PPP1R14C: variants seen among roughly 807,000 people sequenced by gnomAD.
PPP1R14C encodes the protein protein phosphatase 1 regulatory inhibitor subunit 14C.
PPP1R14C carries 16 observed loss-of-function variants against 20.4 expected under a neutral mutation model. The ratio of observed to expected loss-of-function variants is 0.78; its 90% CI spans 0.53 to 1.19. The LOEUF is 1.19. Among genes scored for constraint, PPP1R14C ranks in the 50% most tolerant of loss-of-function variants. The pLI, the probability that PPP1R14C is intolerant of heterozygous loss-of-function variation, is 0.00. For synonymous variants in PPP1R14C, 91 were observed against 91.0 expected (o/e 1.00, Z 0.00); for missense variants, 211 against 220.1 (o/e 0.96, Z 0.26).
At chr6:150,176,344 C>T (rs1170386419) in intron 1 of PPP1R14C, among the ~76,000 whole-genome samples, 1 of 152,192 alleles carries the variant, frequency 6.6e-6, no homozygotes, top group Non-Finnish European at 1.5e-5. Context: ...GCGGGGTGCC[C>T]GTGGTACAAT....
intron 3 of PPP1R14C, among the ~76,000 whole-genome samples, chr6:150,246,310 A>T (rs753063218): frequency 1.3e-5 from 2 of 152,202 alleles, no homozygotes; most frequent in Admixed American, 6.5e-5. Context: ...GCTTTAAAAA[A>T]AAAACAAGCT....
chr6:150,159,366 C>T (rs994237655), intron 1 of PPP1R14C, among the ~76,000 whole-genome samples: 3 of 152,244 alleles, frequency 2.0e-5, no homozygotes, highest in African/African-American at 7.2e-5. Context: ...TTCTGTGCCC[C>T]TCTTAGCCAC....
chr6:150,205,600 C>T (rs953251952), intron 1 of PPP1R14C, among the ~76,000 whole-genome samples: 1 of 151,936 alleles, frequency 6.6e-6, no homozygotes, highest in Non-Finnish European at 1.5e-5. Context: ...TGAGACAAGT[C>T]TGGCCAACAT....
chr6:150,152,924 G>A (rs1180820972), intron 1 of PPP1R14C, among the ~76,000 whole-genome samples: 4 of 152,228 alleles, frequency 2.6e-5, no homozygotes, highest in East Asian at 1.9e-4. Flanking sequence ...GAGGTCATTA[G>A]TGTTAGGTGA....
At chr6:150,247,515 C>T (rs1044463205) in intron 3 of PPP1R14C, among the ~76,000 whole-genome samples, 1 of 152,054 alleles carries the variant, frequency 6.6e-6, no homozygotes, top group Non-Finnish European at 1.5e-5. Flanking sequence ...TCATGAAATC[C>T]TTTTAGTGAG....
intron 1 of PPP1R14C, among the ~76,000 whole-genome samples, chr6:150,183,586 A>C (rs1325720164): frequency 6.6e-6 from 1 of 151,758 alleles, no homozygotes; most frequent in Non-Finnish European, 1.5e-5. Flanking sequence ...ATCTCGGCTC[A>C]CTGCAACCTC....
chr6:150,145,840 T>C (rs1777174463), intron 1 of PPP1R14C, among the ~76,000 whole-genome samples: 1 of 152,354 alleles, frequency 6.6e-6, no homozygotes, highest in South Asian at 2.1e-4. Context: ...GCTTGAGTTA[T>C]CTGCTGAGTT....
chr6:150,167,187 C>A (rs551460727), intron 1 of PPP1R14C, among the ~76,000 whole-genome samples: 10 of 151,206 alleles, frequency 6.6e-5, no homozygotes, highest in African/African-American at 2.2e-4. Context: ...GCCAACATGG[C>A]AAACCCCATC....
At chr6:150,167,459 A>G (rs75322834) in intron 1 of PPP1R14C, among the ~76,000 whole-genome samples, 9,810 of 152,210 alleles carry the variant, frequency 0.064, 397 homozygotes, top group Non-Finnish European at 0.079. Flanking sequence ...TTCTTGATTT[A>G]TTACAGAGGT....
intron 3 of PPP1R14C, among the ~76,000 whole-genome samples, chr6:150,218,100 C>T (rs576825352): frequency 1.3e-5 from 2 of 151,832 alleles, no homozygotes; most frequent in Non-Finnish European, 2.9e-5. Context: ...GGCGAGATCT[C>T]GTCTTTTAAG....
intron 1 of PPP1R14C, among the ~76,000 whole-genome samples, chr6:150,171,087 C>CGATGTACATTGGTCACAATCGATG (rs1339146790): frequency 1.3e-5 from 2 of 152,048 alleles, no homozygotes; most frequent in African/African-American, 4.8e-5. Flanking sequence ...ATCGATGAAC[C>CGATGTACATTGGTCACAATCGATG]TACGTTGACA....
At chr6:150,200,130 T>C (rs765794860) in intron 1 of PPP1R14C, among the ~76,000 whole-genome samples, 39 of 148,778 alleles carry the variant, frequency 2.6e-4, no homozygotes, top group Admixed American at 3.4e-4. Context: ...GGTAGCATTA[T>C]TGAAACCAGT....
chr6:150,233,017 C>G (rs1341922606), intron 3 of PPP1R14C, among the ~76,000 whole-genome samples: 2 of 152,292 alleles, frequency 1.3e-5, no homozygotes, highest in East Asian at 3.9e-4. Flanking sequence ...AGTTAGTTCA[C>G]TTTTGGTCAT....
chr6:150,192,780 C>T (rs1486554474), intron 1 of PPP1R14C, among the ~76,000 whole-genome samples: 8 of 152,294 alleles, frequency 5.3e-5, no homozygotes, highest in Admixed American at 6.5e-5. Context: ...TGGAATCATC[C>T]GAAGACTGGA....
At chr6:150,205,340 C>T (rs1049193120) in intron 1 of PPP1R14C, among the ~76,000 whole-genome samples, 3 of 152,136 alleles carry the variant, frequency 2.0e-5, no homozygotes, top group African/African-American at 7.2e-5. Flanking sequence ...TGGTCTGCAT[C>T]GTCAGTGGCT....
chr6:150,158,683 G>C (rs1777332054), intron 1 of PPP1R14C, among the ~76,000 whole-genome samples: 1 of 151,692 alleles, frequency 6.6e-6, no homozygotes, highest in Non-Finnish European at 1.5e-5. Flanking sequence ...TCCTATAAGA[G>C]AATAACTTCA....
intron 3 of PPP1R14C, among the ~76,000 whole-genome samples, chr6:150,222,288 T>C (rs921405174): frequency 4.0e-5 from 6 of 150,046 alleles, no homozygotes; most frequent in Non-Finnish European, 7.4e-5. Context: ...AAGTAGACTT[T>C]ATTATTTAGA....
At chr6:150,246,780 C>G (rs577268218) in intron 3 of PPP1R14C, among the ~76,000 whole-genome samples, 3 of 152,204 alleles carry the variant, frequency 2.0e-5, no homozygotes, top group African/African-American at 7.2e-5. Context: ...AGGAATTAAG[C>G]AGATTGTATA....
At chr6:150,197,621 C>T (rs1169803441) in intron 1 of PPP1R14C, among the ~76,000 whole-genome samples, 1 of 152,272 alleles carries the variant, frequency 6.6e-6, no homozygotes, top group Non-Finnish European at 1.5e-5. Context: ...AGAGAAAGCA[C>T]CTCCTGTTTT....
Sources: allele counts gnomAD v4.1 joint callset (sites outside exome capture counted in the v4.1 genomes callset), GRCh38; gene constraint gnomAD v4.1.1; transcripts MANE v1.5; gene names NCBI Gene and HGNC (gene_info 2026-07-23, HGNC 2026-07-21).